FMR1NB: variants seen among roughly 807,000 people sequenced by gnomAD.
FMR1NB encodes FMR1 neighbor.
A neutral mutation model predicts 16.8 loss-of-function variants in FMR1NB; 10 were observed. The ratio of observed to expected loss-of-function variants is 0.60; its 90% confidence interval spans 0.37 to 1.01. The LOEUF (loss-of-function observed/expected upper bound fraction) is 1.01, where lower values mean the gene tolerates loss of function less well. FMR1NB is among the 50% of genes least tolerant of loss of function. The probability of loss-of-function intolerance (pLI) is 0.01; values close to 1 mark genes in which losing one functional copy is unlikely to be tolerated. For synonymous variants in FMR1NB, 83 were observed against 79.1 expected, an observed-to-expected ratio of 1.05 and a Z score of -0.26; for missense variants, 205 against 204.8, an observed-to-expected ratio of 1.00 and a Z score of 0.00.
chrX:148,019,585 G>A (rs782087492), intron 4 of FMR1NB, among the ~76,000 whole-genome samples: 1 of 112,010 alleles, frequency 8.9e-6, no homozygotes, highest in East Asian at 2.8e-4. Flanking sequence ...GGACTTGAGT[G>A]TTGTGATCTA....
At chrX:148,001,954 C>T (rs1264917907) in intron 1 of FMR1NB, among the ~76,000 whole-genome samples, 15 of 110,311 alleles carry the variant, frequency 1.4e-4, no homozygotes, top group African/African-American at 4.9e-4. Context: ...CTGGAAAAAT[C>T]GTATCCCTAC....
chrX:148,024,725 A>G (rs1020176326), intron 4 of FMR1NB, 140 bp from the exon 5 acceptor site: 15 of 718,717 alleles, frequency 2.1e-5, no homozygotes, highest in Non-Finnish European at 2.7e-5. Flanking sequence ...TTTCTATCGG[A>G]TTTATTAAAT....
chrX:148,004,668 A>T (rs2044587094), intron 2 of FMR1NB, among the ~76,000 whole-genome samples: 1 of 112,322 alleles, frequency 8.9e-6, no homozygotes, highest in Non-Finnish European at 1.9e-5. Context: ...AGCATGAAAA[A>T]AAAGTTCGTT....
intron 4 of FMR1NB, among the ~76,000 whole-genome samples, chrX:148,016,720 G>A (rs1397300546): frequency 9.0e-6 from 1 of 111,443 alleles, no homozygotes; most frequent in Non-Finnish European, 1.9e-5. Context: ...TGCATAAACA[G>A]TCAACAAAAA....
At chrX:147,983,983 G>A (rs1328858478) in intron 1 of FMR1NB, among the ~76,000 whole-genome samples, 1 of 111,752 alleles carries the variant, frequency 8.9e-6, no homozygotes, top group Non-Finnish European at 1.9e-5. Context: ...TTGTTGAAGA[G>A]ACGATTTTTT....
chrX:148,024,997 G>A lies in FMR1NB; in HGVS notation c.765G>A (p.Glu255=). 3 of 1,209,911 alleles carry A rather than the reference G, an allele frequency of 2.5e-6. No individual in the cohort carries two copies. Among genetic ancestry groups the A allele is most frequent in the Non-Finnish European group, 3.4e-6 (3 of 894,449 alleles). The change falls in exon 5 of 6, where the codon GAG becomes GAA. Residue 255 remains glutamate, a synonymous_variant. Transcript: ENST00000370467. ...GAGGACGTGAGGAACATGGTGACGAGTAGCAAGAGACCAAAGGTAATTGAC... is the reference window on the plus strand; with the variant it reads ...GAGGACGTGAGGAACATGGTGACGAATAGCAAGAGACCAAAGGTAATTGAC... ...AARGREEHGD[E] is the part of the protein sequence containing the mutation.
At chrX:148,012,346 GTGATA>G (rs2044629557) in intron 4 of FMR1NB, among the ~76,000 whole-genome samples, 1 of 111,907 alleles carries the variant, frequency 8.9e-6, no homozygotes, top group African/African-American at 3.2e-5. Context: ...GGATTATATA[GTGATA>G]TGATACTTGA....
At chrX:147,993,078 T>G (rs1304996656) in intron 1 of FMR1NB, among the ~76,000 whole-genome samples, 13 of 106,005 alleles carry the variant, frequency 1.2e-4, no homozygotes, top group Admixed American at 6.8e-4. Context: ...CTGGGAGGTG[T>G]AGGTTGTAGT....
intron 4 of FMR1NB, among the ~76,000 whole-genome samples, chrX:148,009,015 A>G (rs966832258): frequency 3.7e-5 from 4 of 109,452 alleles, no homozygotes; most frequent in Admixed American, 2.0e-4. Flanking sequence ...CCCCGTTTCT[A>G]TTAAAAAAAA....
At chrX:147,998,538 G>A (rs2044554429) in intron 1 of FMR1NB, among the ~76,000 whole-genome samples, 1 of 111,880 alleles carries the variant, frequency 8.9e-6, no homozygotes, top group African/African-American at 3.2e-5. Flanking sequence ...AACCACCATG[G>A]CCCATGTATA....
chrX:147,982,745 T>A (rs2044456558), intron 1 of FMR1NB, among the ~76,000 whole-genome samples: 1 of 108,852 alleles, frequency 9.2e-6, no homozygotes, highest in Admixed American at 9.8e-5. Context: ...TACAAAAAAA[T>A]TAGCCAGGTG....
chrX:147,997,037 A>T (rs1557188214), intron 1 of FMR1NB, among the ~76,000 whole-genome samples: 1 of 111,589 alleles, frequency 9.0e-6, no homozygotes, highest in Non-Finnish European at 1.9e-5. Flanking sequence ...GTTTGGGTAG[A>T]GAGGAAGACC....
At chrX:148,009,652 G>A (rs963953377) in intron 4 of FMR1NB, among the ~76,000 whole-genome samples, 1 of 110,611 alleles carries the variant, frequency 9.0e-6, no homozygotes, top group Non-Finnish European at 1.9e-5. Context: ...AGGTTTGTGC[G>A]CGTGCAAGGT....
chrX:148,003,265 A>G lies in FMR1NB; in HGVS notation c.342A>G (p.Gln114=), dbSNP rs1557188803. The change falls in exon 2 of 6, where the codon CAA becomes CAG. Residue 114 remains glutamine (Q), a synonymous_variant. Coordinates refer to ENST00000370467, the MANE Select transcript of FMR1NB (RefSeq NM_152578.3). ...CCAACAGTGAAAATGCTCATGGCCA[A>G]TCTCTGGAAGAAGATTCCGCATTGG... ...ILPNSENAHG[Q]SLEEDSALEA... 1 of 1,211,091 alleles carries G rather than the reference A, an allele frequency of 8.3e-7. No homozygotes were observed. The highest frequency in any genetic ancestry group is 1.1e-6 in the Non-Finnish European group (1 of 894,758).
At chrX:147,982,619 C>T (rs1418315809) in intron 1 of FMR1NB, among the ~76,000 whole-genome samples, 7 of 92,179 alleles carry the variant, frequency 7.6e-5, no homozygotes, top group African/African-American at 2.5e-4. Context: ...AAAGGCCGGG[C>T]GCGGTGGGTC....
intron 4 of FMR1NB, 121 bp from the exon 5 acceptor site, chrX:148,024,744 T>C: frequency 1.2e-6 from 1 of 857,853 alleles, no homozygotes; most frequent in Non-Finnish European, 1.6e-6. Context: ...ATCTGGTGAG[T>C]TAAAAATATC....
intron 1 of FMR1NB, among the ~76,000 whole-genome samples, chrX:147,993,243 C>CG (rs1385691739): frequency 8.9e-6 from 1 of 112,852 alleles, no homozygotes; most frequent in African/African-American, 3.2e-5. Context: ...AGCGAAACCC[C>CG]GTCTCCACCA....
chrX:148,018,417 C>CA (rs2044661556), intron 4 of FMR1NB, among the ~76,000 whole-genome samples: 1 of 111,984 alleles, frequency 8.9e-6, no homozygotes, highest in Admixed American at 9.5e-5. Flanking sequence ...TACCTGACTT[C>CA]AAACTATACT....
At chrX:147,983,474 T>C (rs2044461420) in intron 1 of FMR1NB, among the ~76,000 whole-genome samples, 1 of 112,696 alleles carries the variant, frequency 8.9e-6, no homozygotes, top group Admixed American at 9.4e-5. Context: ...GATTTATATT[T>C]TCCTAATGCC....
Sources: gnomAD v4.1 joint callset for allele counts (sites outside exome capture counted in the v4.1 genomes callset) on GRCh38, gnomAD v4.1.1 for gene constraint, MANE v1.5 for transcripts, NCBI Gene and HGNC (gene_info 2026-07-23, HGNC 2026-07-21) for gene names.